Variants in DDX39B observed in about 807,000 individuals in gnomAD.
DDX39B encodes the protein spliceosome RNA helicase DDX39B.
A neutral mutation model predicts 46.4 loss-of-function variants in DDX39B; 6 were observed. That is an observed-to-expected ratio of 0.13 (90% CI 0.07 to 0.26). DDX39B has a LOEUF of 0.26. Among genes scored for constraint, DDX39B ranks in the 10% least tolerant of loss-of-function variants. The probability of loss-of-function intolerance (pLI) is 1.00; values close to 1 mark genes in which losing one functional copy is unlikely to be tolerated. For missense variants in DDX39B, 185 were observed against 553.4 expected (o/e 0.33, Z 6.68); for synonymous variants, 174 against 199.4 (o/e 0.87, Z 1.07).
Position 31,530,991 on chromosome 6 carries a change from A to G in DDX39B, c.1122+62T>C. 1.5e-5 allele frequency: 24 copies of G among 1,613,536 alleles called. No homozygotes were observed. The highest frequency in any genetic ancestry group is 2.0e-5 in the Non-Finnish European group (24 of 1,179,460). On this transcript the variant is annotated intron_variant, in intron 9 of 10. Transcript: ENST00000396172. The surrounding 1 kb of genome is among the most constrained non-coding windows in gnomAD (Gnocchi z 4.5). ...GAAAGAGACCCAGAGGCAGGAATGAAGATGTACAAACAGAAAACAAGGGAA... is the reference window on the plus strand; with the variant it reads ...GAAAGAGACCCAGAGGCAGGAATGAGGATGTACAAACAGAAAACAAGGGAA...
intron 6 of DDX39B, chr6:31,533,121 T>C: frequency 2.1e-6 from 1 of 478,522 alleles, no homozygotes; most frequent in East Asian, 4.2e-5. Context: ...CAGATGAGTT[T>C]TAAGACTGCC....
chr6:31,540,929 T>C (rs966275567), intron 1 of DDX39B: 6 of 407,712 alleles, frequency 1.5e-5, no homozygotes, highest in Admixed American at 1.3e-4. Context: ...AACTTATAAA[T>C]TCTTGATCTG....
Position 31,531,164 on chromosome 6 carries a change from T to C in DDX39B, c.1011A>G (p.Gln337=). Reference sequence around the variant, plus strand: ...GGTTGGTAGCCACAAGAATTCGTCGTTGAAAATCTTTAAACTGCTGATACC... The same window carrying C: ...GGTTGGTAGCCACAAGAATTCGTCGCTGAAAATCTTTAAACTGCTGATACC... The part of the protein sequence containing the change: ...LSRYQQFKDF[Q]RRILVATNLF... The change falls in exon 9 of 11, where the codon CAA becomes CAG. Residue 337 remains glutamine, a synonymous_variant. Coordinates refer to ENST00000396172, the MANE Select transcript of DDX39B (RefSeq NM_004640.7). The surrounding 1 kb of genome is among the most constrained non-coding windows in gnomAD (Gnocchi z 5.8). 1.2e-6 allele frequency: 2 copies of C among 1,614,200 alleles called. No individual in the cohort carries two copies. Among genetic ancestry groups the C allele is most frequent in the South Asian group, 2.2e-5 (2 of 91,084 alleles).
chr6:31,541,708 AG>A (rs1331764236), intron 1 of DDX39B: 1 of 560,876 alleles, frequency 1.8e-6, no homozygotes, highest in South Asian at 1.5e-5. Context: ...CATTGGAAGA[AG>A]GGAGCAAAAC....
rs986272591 is a variant in DDX39B, at chr6:31,535,510, T to C, written c.617-25A>G. The C allele has an allele frequency of 1.9e-6, 3 of 1,582,584 alleles. No individual in the cohort carries two copies. Among genetic ancestry groups the C allele is most frequent in the Non-Finnish European group, 2.6e-6 (3 of 1,153,584 alleles). On this transcript the variant is annotated intron_variant, in intron 5 of 10. Coordinates refer to ENST00000396172, the MANE Select transcript of DDX39B (RefSeq NM_004640.7). The surrounding 1 kb of genome is among the most constrained non-coding windows in gnomAD (Gnocchi z 4.6). ...TCTACAAGAACAAGGAAAAAAATTG[T>C]AGGAGAAAATAAGCAGGTATGATAA...
intron 2 of DDX39B, among the ~76,000 whole-genome samples, chr6:31,540,022 C>T (rs1768231162): frequency 1.3e-5 from 2 of 152,218 alleles, no homozygotes; most frequent in African/African-American, 4.8e-5. Context: ...CCGGCTGGTG[C>T]ACAGTGGTGC....
intron 4 of DDX39B, among the ~76,000 whole-genome samples, chr6:31,537,581 A>T (rs1038037880): frequency 6.6e-6 from 1 of 152,230 alleles, no homozygotes; most frequent in Non-Finnish European, 1.5e-5. Context: ...TTCGGGCTAA[A>T]TATTATCATT....
At chr6:31,541,084 T>TG (rs11444847) in intron 1 of DDX39B, 50,594 of 533,246 alleles carry the variant, frequency 0.095, 3,275 homozygotes, top group South Asian at 0.16. Flanking sequence ...CCCACCGTTA[T>TG]GGATGCCTAA....
chr6:31,535,319 G>T lies in DDX39B; in HGVS notation c.735+48C>A, dbSNP rs1435501118. On this transcript the variant is annotated intron_variant, in intron 6 of 10. Transcript: ENST00000396172. The surrounding 1 kb of genome is among the most constrained non-coding windows in gnomAD (Gnocchi z 4.6). Reference sequence around the variant, plus strand: ...TGAGGAAGAGGGCGAGGAAGGGGAGGAGGCAGCGGGCGGGGAGTGGAGGGA... The same window carrying T: ...TGAGGAAGAGGGCGAGGAAGGGGAGTAGGCAGCGGGCGGGGAGTGGAGGGA... 9 of 1,558,426 alleles carry T rather than the reference G, an allele frequency of 5.8e-6. No homozygotes were observed. Among genetic ancestry groups the T allele is most frequent in the Non-Finnish European group, 8.0e-6 (9 of 1,130,180 alleles).
In DDX39B at chr6:31,534,590, G is replaced by C. The variant is rs574012989; in HGVS notation, c.735+777C>G. On this transcript the variant is annotated intron_variant, in intron 6 of 10. Transcript: ENST00000396172. The surrounding 1 kb of genome is among the most constrained non-coding windows in gnomAD (Gnocchi z 5.1). ...GGACACCCCTCCCCAACACATATTG[G>C]GGGAAACGGGGCACGGCACGCGTTG... The C allele has an allele frequency of 6.8e-5, 30 of 442,290 alleles. No homozygotes were observed. Among genetic ancestry groups the C allele is most frequent in the African/African-American group, 5.2e-4 (25 of 48,314 alleles). The allele number at this position is 442,290 out of a possible 1,614,324, so 27.4% of individuals were successfully genotyped here.
chr6:31,538,720 A>G (rs1768059858), intron 4 of DDX39B, 43 bp downstream of exon 4: 1 of 1,558,198 alleles, frequency 6.4e-7, no homozygotes, highest in Admixed American at 1.9e-5. Context: ...TATCCCTCCA[A>G]CTTGCCACAC....
chr6:31,540,227 TA>T, intron 2 of DDX39B, 94 bp downstream of exon 2: 2 of 1,382,222 alleles, frequency 1.4e-6, no homozygotes, highest in Non-Finnish European at 2.0e-6. Flanking sequence ...GCCTTAAGTA[TA>T]AACCCTTACC....
chr6:31,538,865 G>C lies in DDX39B; in HGVS notation c.340-10C>G. The C allele has an allele frequency of 6.2e-7, 1 of 1,612,452 alleles. No homozygotes were observed. On this transcript the variant is annotated splice_polypyrimidine_tract_variant and intron_variant, in intron 3 of 10. Transcript: ENST00000396172. ...TCACCAGTACAGACACCTTAGGCAG[G>C]AAGTAGACGGAGACATATGGTAAAT... is the stretch of plus-strand genomic sequence containing the variant.
intron 2 of DDX39B, among the ~76,000 whole-genome samples, chr6:31,540,058 C>T (rs150486379): frequency 6.6e-6 from 1 of 152,332 alleles, no homozygotes; most frequent in African/African-American, 2.4e-5. Flanking sequence ...AAGCCTCAAC[C>T]TTCACCTGCT....
intron 4 of DDX39B, among the ~76,000 whole-genome samples, chr6:31,537,077 C>A (rs1455581765): frequency 9.2e-5 from 14 of 152,088 alleles, no homozygotes; most frequent in Non-Finnish European, 1.9e-4. Context: ...CACCGTTGTA[C>A]TCCAGCCTGG....
rs1413102222 is a variant in DDX39B, at chr6:31,538,790, G to A, written c.405C>T (p.Arg135=). 2 of 1,613,976 alleles carry A rather than the reference G, an allele frequency of 1.2e-6. No individual in the cohort carries two copies. Among genetic ancestry groups the A allele is most frequent in the Non-Finnish European group, 1.7e-6 (2 of 1,179,946 alleles). Residue 135 remains arginine (R), a synonymous_variant, in exon 4 of 11, where the codon CGC becomes CGT. Transcript: ENST00000396172. ...TGACATTGGGCATGTATTTAGAGAAGCGCTCATATTCCTTGCTGATCTGAA... is the reference window on the plus strand; with the variant it reads ...TGACATTGGGCATGTATTTAGAGAAACGCTCATATTCCTTGCTGATCTGAA... ...LAFQISKEYE[R]FSKYMPNVKV...
chr6:31,541,994 A>C lies in DDX39B; in HGVS notation c.-177T>G, dbSNP rs1768541299. On this transcript the variant is annotated 5_prime_UTR_variant, in exon 1 of 11. Coordinates refer to ENST00000396172, the MANE Select transcript of DDX39B (RefSeq NM_004640.7). ...ATGGCGGCAGCAACAGCGACGAAGG[A>C]GGGAAATCTGCCTTCACTTCCGGTT... 1 of 679,978 alleles carries C rather than the reference A, an allele frequency of 1.5e-6. No individual in the cohort carries two copies. The highest frequency in any genetic ancestry group is 2.7e-6 in the Non-Finnish European group (1 of 367,590). 42.1% of individuals were successfully genotyped at this position (679,978 alleles called of 1,614,324 possible). A position where few individuals can be genotyped will look rare whatever the true frequency, so the allele number is the denominator to read the frequency against.
At chr6:31,533,116 G>C (rs1371337999) in intron 6 of DDX39B, 1 of 494,210 alleles carries the variant, frequency 2.0e-6, no homozygotes, top group East Asian at 4.0e-5. Context: ...CCTATCAGAT[G>C]AGTTTTAAGA....
chr6:31,536,083 T>G (rs1459398557), intron 5 of DDX39B, among the ~76,000 whole-genome samples: 1 of 152,160 alleles, frequency 6.6e-6, no homozygotes, highest in Non-Finnish European at 1.5e-5. Flanking sequence ...ACAAACACTC[T>G]CTACATTAAT....
Sources: gnomAD v4.1 joint callset for allele counts (sites outside exome capture counted in the v4.1 genomes callset) on GRCh38, gnomAD v4.1.1 for gene constraint, Gnocchi (gnomAD v3.1) non-coding constraint, MANE v1.5 for transcripts, NCBI Gene and HGNC (gene_info 2026-07-23, HGNC 2026-07-21) for gene names.